Variants in APBB2 observed in about 807,000 individuals in gnomAD.
APBB2 encodes amyloid beta precursor protein binding family B member 2.
A neutral mutation model predicts 82.5 loss-of-function variants in APBB2; 38 were observed. That is an observed-to-expected ratio of 0.46 (90% CI 0.36 to 0.60). The LOEUF (loss-of-function observed/expected upper bound fraction) is 0.60. Ranked by LOEUF, APBB2 falls within the 20% of genes least tolerant of loss-of-function variation. APBB2 has a pLI of 0.00. For missense variants in APBB2, 772 were observed against 972.3 expected, an observed-to-expected ratio of 0.79 and a Z score of 2.74; for synonymous variants, 341 against 368.2, an observed-to-expected ratio of 0.93 and a Z score of 0.85.
At chr4:41,131,233 T>C (rs74366820) in intron 2 of APBB2, among the ~76,000 whole-genome samples, 4,848 of 152,230 alleles carry the variant, frequency 0.032, 180 homozygotes, top group African/African-American at 0.089. Context: ...CTCCACTCTA[T>C]GCCCAAGTTC....
intron 12 of APBB2, among the ~76,000 whole-genome samples, chr4:40,855,041 A>G (rs1010479335): frequency 6.6e-6 from 1 of 152,176 alleles, no homozygotes; most frequent in Non-Finnish European, 1.5e-5. Context: ...TTAGTGCCCA[A>G]TGGCCCACTG....
chr4:40,975,718 T>G (rs187637801), intron 6 of APBB2, among the ~76,000 whole-genome samples: 16 of 147,934 alleles, frequency 1.1e-4, no homozygotes, highest in Admixed American at 8.8e-4. Flanking sequence ...CACAAACAGC[T>G]TTCAGGTAAA....
chr4:41,206,968 C>G (rs192050599), intron 1 of APBB2, among the ~76,000 whole-genome samples: 5 of 151,944 alleles, frequency 3.3e-5, no homozygotes, highest in Admixed American at 2.0e-4. Flanking sequence ...GAGGCTGAGG[C>G]GGGCAGATCA....
intron 1 of APBB2, among the ~76,000 whole-genome samples, chr4:41,163,728 T>C (rs1245237314): frequency 1.3e-5 from 2 of 152,210 alleles, no homozygotes; most frequent in Non-Finnish European, 2.9e-5. Context: ...ATAAATCTTA[T>C]TTTGATTTCT....
Position 40,863,454 on chromosome 4 carries a change from G to A in APBB2, c.1529+26910C>T, listed in dbSNP as rs150447977. ...CAGTGGGTCTGGGTAGGGCCCTGTCGTTCTAAAAACTACATCCCAGGTGAT... is the reference window on the plus strand; with the variant it reads ...CAGTGGGTCTGGGTAGGGCCCTGTCATTCTAAAAACTACATCCCAGGTGAT... On this transcript the variant is annotated intron_variant, in intron 12 of 17. Coordinates refer to ENST00000508593, the MANE Select transcript of APBB2 (RefSeq NM_004307.2). 3.6e-3 allele frequency among the ~76,000 whole-genome samples: 546 copies of A among 152,278 alleles called. 12 individuals carry two copies. Among genetic ancestry groups the A allele is most frequent in the Admixed American group, 0.032 (489 of 15,282 alleles).
chr4:40,907,671 CT>C (rs34413606), intron 10 of APBB2, among the ~76,000 whole-genome samples: 32,371 of 94,724 alleles, frequency 0.34, 4,786 homozygotes, highest in East Asian at 0.52. Context: ...GTGCCTGACC[CT>C]TTTTTTTTTT....
At chr4:40,856,497 A>G (rs1405099569) in intron 12 of APBB2, among the ~76,000 whole-genome samples, 2 of 152,248 alleles carry the variant, frequency 1.3e-5, no homozygotes, top group East Asian at 3.8e-4. Flanking sequence ...TAAATCGTGT[A>G]ACTAAAATCA....
At chr4:41,084,397 C>T (rs1447711387) in intron 3 of APBB2, among the ~76,000 whole-genome samples, 1 of 151,936 alleles carries the variant, frequency 6.6e-6, no homozygotes, top group African/African-American at 2.4e-5. Flanking sequence ...GCATTCCAGC[C>T]TGGGCAACAA....
At position 40,810,578 on chromosome 4, in the gene APBB2, A is replaced by T. The variant is rs1305742980; in HGVS notation, c.*5514T>A. On this transcript the variant is annotated 3_prime_UTR_variant, in exon 18 of 18. Coordinates refer to ENST00000508593, the MANE Select transcript of APBB2 (RefSeq NM_004307.2). ...GGGAAGCAGAGTGAGACCTTGCCTCAAAAAAAAAAAAAAAAAAAAAAAAGT... is the reference window on the plus strand; with the variant it reads ...GGGAAGCAGAGTGAGACCTTGCCTCTAAAAAAAAAAAAAAAAAAAAAAAGT... The T allele has an allele frequency of 3.6e-5, 1 of 27,960 alleles. No homozygotes were observed. The highest frequency in any genetic ancestry group is 3.1e-4 in the East Asian group (1 of 3,270). The allele number at this position is 27,960 out of a possible 1,614,324, so 1.7% of individuals were successfully genotyped here.
At chr4:41,172,235 C>T (rs1353579237) in intron 1 of APBB2, among the ~76,000 whole-genome samples, 1 of 151,726 alleles carries the variant, frequency 6.6e-6, no homozygotes, top group African/African-American at 2.4e-5. Flanking sequence ...CCGCCCCAGG[C>T]ACATTCCAGT....
rs775180457 is a variant in APBB2 at position 40,823,624 on chromosome 4, C to T, written c.1932+20G>A. The T allele has an allele frequency of 2.6e-6, 4 of 1,537,874 alleles. No homozygotes were observed. Among genetic ancestry groups the T allele is most frequent in the Non-Finnish European group, 3.6e-6 (4 of 1,111,410 alleles). On this transcript the variant is annotated intron_variant, in intron 16 of 17. Coordinates refer to ENST00000508593, the MANE Select transcript of APBB2 (RefSeq NM_004307.2). ...CTCACTGTATAAGACACACCAATGT[C>T]ATCGAAGATTCCTTCTCACCTTTTC...
intron 1 of APBB2, among the ~76,000 whole-genome samples, chr4:41,174,957 T>A (rs1023575407): frequency 6.6e-6 from 1 of 152,190 alleles, no homozygotes; most frequent in Non-Finnish European, 1.5e-5. Flanking sequence ...ATGAATATCC[T>A]GAGCGTTCCA....
chr4:41,044,029 T>C (rs571270514), intron 4 of APBB2, among the ~76,000 whole-genome samples: 29 of 152,352 alleles, frequency 1.9e-4, no homozygotes, highest in African/African-American at 6.5e-4. Context: ...ACATGGTATC[T>C]GGTTTTCATT....
intron 1 of APBB2, among the ~76,000 whole-genome samples, chr4:41,190,938 G>A (rs1233778433): frequency 6.6e-6 from 1 of 152,204 alleles, no homozygotes; most frequent in Non-Finnish European, 1.5e-5. Context: ...GCAGCAAAAA[G>A]GCTAGCAGAA....
At chr4:41,194,649 G>C in intron 1 of APBB2, among the ~76,000 whole-genome samples, 1 of 152,124 alleles carries the variant, frequency 6.6e-6, no homozygotes, top group African/African-American at 2.4e-5. Flanking sequence ...TGGTGACAGA[G>C]CAAGACCTTG....
intron 12 of APBB2, among the ~76,000 whole-genome samples, chr4:40,856,832 T>A (rs1761355108): frequency 6.6e-6 from 1 of 152,150 alleles, no homozygotes; most frequent in South Asian, 2.1e-4. Flanking sequence ...GAAAGCCCCC[T>A]CTTCAGCCCT....
In APBB2 at chr4:41,192,602, C is replaced by T. The variant is rs540589029; in HGVS notation, c.-417+21803G>A. Among the ~76,000 whole-genome samples, 126 of 152,162 alleles carry T rather than the reference C, an allele frequency of 8.3e-4. 1 individual carries two copies. Among genetic ancestry groups the T allele is most frequent in the African/African-American group, 2.9e-3 (122 of 41,516 alleles). On this transcript the variant is annotated intron_variant, in intron 1 of 17. Transcript: ENST00000508593. ...TCTTAAAAAAAAATTTAATATCAAA[C>T]ATACAGAGATAGAGAATAAAACAGT...
chr4:40,942,614 A>G (rs1485694050), intron 7 of APBB2, among the ~76,000 whole-genome samples: 3 of 152,122 alleles, frequency 2.0e-5, no homozygotes. Context: ...ACAGATTTTT[A>G]AGAGCAGTGA....
At position 40,811,972 on chromosome 4, in the gene APBB2, T is replaced by C. The variant is rs1201164750; in HGVS notation, c.*4120A>G. 1 of 152,186 alleles carries C rather than the reference T, an allele frequency of 6.6e-6. No individual in the cohort carries two copies. Among genetic ancestry groups the C allele is most frequent in the East Asian group, 1.9e-4 (1 of 5,196 alleles). 9.4% of individuals were successfully genotyped at this position (152,186 alleles called of 1,614,324 possible). ...TTTGATGTCAGGTTCTTAAAGGAAG[T>C]GATAAACTTCTTCGTGCTAAAATAT... is the stretch of plus-strand genomic sequence containing the variant. On this transcript the variant is annotated 3_prime_UTR_variant, in exon 18 of 18. Coordinates refer to ENST00000508593, the MANE Select transcript of APBB2 (RefSeq NM_004307.2).
Sources: allele counts gnomAD v4.1 joint callset (sites outside exome capture counted in the v4.1 genomes callset), GRCh38; gene constraint gnomAD v4.1.1; transcripts MANE v1.5; gene names NCBI Gene and HGNC (gene_info 2026-07-23, HGNC 2026-07-21).